Variants in TMEM135 observed in about 807,000 individuals in gnomAD.
TMEM135 encodes the protein transmembrane protein 135.
Under a neutral mutation model 60.3 loss-of-function variants are expected in TMEM135, and 30 were observed. The ratio of observed to expected loss-of-function variants is 0.50; its 90% CI spans 0.37 to 0.68. TMEM135 has a LOEUF of 0.68. Ranked by LOEUF, TMEM135 falls within the 30% of genes least tolerant of loss-of-function variation. TMEM135 has a pLI of 0.00. For missense variants in TMEM135, 468 were observed against 548.8 expected (o/e 0.85, Z 1.47); for synonymous variants, 190 against 186.7 (o/e 1.02, Z -0.14).
chr11:87,094,227 A>G (rs1020161663), intron 4 of TMEM135, among the ~76,000 whole-genome samples: 6 of 152,148 alleles, frequency 3.9e-5, no homozygotes, highest in South Asian at 2.1e-4. Context: ...TTGAATGTCA[A>G]TGTAAACTTT....
At chr11:87,109,743 TC>T (rs1857695035) in intron 4 of TMEM135, among the ~76,000 whole-genome samples, 1 of 152,198 alleles carries the variant, frequency 6.6e-6, no homozygotes, top group South Asian at 2.1e-4. Flanking sequence ...CCTTCAATCA[TC>T]CTGGAGTTTT....
At chr11:87,203,698 T>C (rs1940173699) in intron 5 of TMEM135, among the ~76,000 whole-genome samples, 1 of 152,186 alleles carries the variant, frequency 6.6e-6, no homozygotes, top group Non-Finnish European at 1.5e-5. Context: ...TAGACATAAG[T>C]TTTCAGCTCC....
At chr11:87,161,178 A>G (rs926526721) in intron 5 of TMEM135, among the ~76,000 whole-genome samples, 25 of 152,184 alleles carry the variant, frequency 1.6e-4, no homozygotes, top group African/African-American at 5.5e-4. Context: ...AATTACAGGC[A>G]TGAGCCGCTG....
intron 4 of TMEM135, among the ~76,000 whole-genome samples, chr11:87,114,647 T>G (rs1021379368): frequency 6.6e-6 from 1 of 152,206 alleles, no homozygotes; most frequent in Non-Finnish European, 1.5e-5. Flanking sequence ...TATTTAGTAT[T>G]TTAAACATGT....
intron 6 of TMEM135, among the ~76,000 whole-genome samples, chr11:87,286,143 C>T (rs1322537500): frequency 3.3e-5 from 5 of 151,624 alleles, no homozygotes; most frequent in African/African-American, 1.2e-4. Flanking sequence ...CATAAAAGTT[C>T]TCCAAGTCCC....
At chr11:87,060,103 A>T (rs1949932120) in intron 1 of TMEM135, among the ~76,000 whole-genome samples, 2 of 152,068 alleles carry the variant, frequency 1.3e-5, no homozygotes, top group Non-Finnish European at 2.9e-5. Flanking sequence ...ACAGAGCATG[A>T]CTCTGAATAA....
intron 5 of TMEM135, among the ~76,000 whole-genome samples, chr11:87,221,016 A>G (rs1051243085): frequency 6.6e-6 from 1 of 152,206 alleles, no homozygotes; most frequent in Non-Finnish European, 1.5e-5. Flanking sequence ...TACTAAAAAA[A>G]AGACTGGAAA....
At chr11:87,224,494 T>C (rs905467331) in intron 5 of TMEM135, among the ~76,000 whole-genome samples, 34 of 152,204 alleles carry the variant, frequency 2.2e-4, no homozygotes, top group Admixed American at 2.2e-3. Context: ...AGCTCTTATT[T>C]ATTTATTTTT....
At chr11:87,268,342 T>C (rs1168216062) in intron 6 of TMEM135, among the ~76,000 whole-genome samples, 2 of 150,590 alleles carry the variant, frequency 1.3e-5, no homozygotes, top group Non-Finnish European at 3.0e-5. Flanking sequence ...TCTGGAACTC[T>C]TGGGCTCATG....
rs1371177800 is a variant in TMEM135 at position 87,309,577 on chromosome 11, C to G, written c.841C>G (p.Leu281Val). ...CLRIPSAFRH[L>V]FTQPSRLLSL... is the part of the protein sequence containing the mutation. ...CCGAATCCCTTCTGCATTTAGGCAT[C>G]TGTTTACACAGCCATCTCGGCTACT... The change falls in exon 10 of 15, where the codon CTG becomes GTG. Residue 281 changes from leucine (L) to valine (V), a missense_variant. Leu to Val is a conservative substitution (Grantham distance 32). Transcript: ENST00000305494. 6.2e-7 allele frequency: 1 copy of G among 1,613,936 alleles called. No homozygotes were observed. Among genetic ancestry groups the G allele is most frequent in the Non-Finnish European group, 8.5e-7 (1 of 1,179,868 alleles).
intron 4 of TMEM135, among the ~76,000 whole-genome samples, chr11:87,150,237 A>AAAAAAAG (rs1938524260): frequency 2.1e-5 from 3 of 145,014 alleles, no homozygotes; most frequent in Admixed American, 6.8e-5. Context: ...AAAAAAAAAG[A>AAAAAAAG]AAAAAAGTGA....
At chr11:87,177,148 C>T (rs1452841726) in intron 5 of TMEM135, among the ~76,000 whole-genome samples, 3 of 152,084 alleles carry the variant, frequency 2.0e-5, no homozygotes, top group African/African-American at 7.2e-5. Flanking sequence ...TCCAGATTGC[C>T]CCAATTGAAA....
chr11:87,209,860 CAAG>C (rs1481332304), intron 5 of TMEM135, among the ~76,000 whole-genome samples: 1 of 152,008 alleles, frequency 6.6e-6, no homozygotes, highest in African/African-American at 2.4e-5. Flanking sequence ...AAATCATTAC[CAAG>C]AAGATCTGTT....
chr11:87,249,985 C>G (rs1223093134), intron 6 of TMEM135, among the ~76,000 whole-genome samples: 4 of 151,886 alleles, frequency 2.6e-5, no homozygotes, highest in African/African-American at 4.8e-5. Context: ...CATCCTTTGT[C>G]TTTGATCTAT....
chr11:87,236,158 C>T (rs1940990612), intron 5 of TMEM135, among the ~76,000 whole-genome samples: 1 of 151,240 alleles, frequency 6.6e-6, no homozygotes, highest in African/African-American at 2.4e-5. Context: ...AACCCTGTTA[C>T]CCTTCTATCC....
chr11:87,057,889 G>C (rs1285529153), intron 1 of TMEM135, among the ~76,000 whole-genome samples: 1 of 151,962 alleles, frequency 6.6e-6, no homozygotes, highest in East Asian at 1.9e-4. Context: ...TCTGCAGTTG[G>C]CATGCTGGAG....
chr11:87,185,844 A>G (rs374433838), intron 5 of TMEM135, among the ~76,000 whole-genome samples: 13 of 152,124 alleles, frequency 8.5e-5, no homozygotes, highest in African/African-American at 1.4e-4. Context: ...ATGATGTTTT[A>G]TAAATCATTA....
In TMEM135 at chr11:87,258,922, A is replaced by T; in HGVS notation, c.509+22238A>T. On this transcript the variant is annotated intron_variant, in intron 6 of 14. Transcript: ENST00000305494. The stretch of plus-strand genomic sequence containing the variant: ...GAGCCCTGTGTTAGGCCCTAGAAGT[A>T]TCTGCTGCTGCTGCAGTTGCTGCTG... The T allele has an allele frequency of 2.2e-6, 3 of 1,364,778 alleles. No homozygotes were observed. In the South Asian group the frequency reaches 3.5e-5, roughly 16 times the overall value. 84.5% of individuals were successfully genotyped at this position (1,364,778 alleles called of 1,614,324 possible).
chr11:87,065,795 T>G (rs540596157), intron 1 of TMEM135, among the ~76,000 whole-genome samples: 1 of 152,352 alleles, frequency 6.6e-6, no homozygotes, highest in South Asian at 2.1e-4. Flanking sequence ...TTTTGTAGTT[T>G]TATGTTTCAC....
Sources: gnomAD v4.1 joint callset for allele counts (sites outside exome capture counted in the v4.1 genomes callset) on GRCh38, gnomAD v4.1.1 for gene constraint, MANE v1.5 for transcripts, NCBI Gene and HGNC (gene_info 2026-07-23, HGNC 2026-07-21) for gene names.